Variants in GCAT observed in about 807,000 individuals in gnomAD.
GCAT encodes glycine C-acetyltransferase.
In GCAT, 26 loss-of-function variants were observed where a neutral mutation model predicts 39.7. The observed-to-expected ratio is 0.65, with a 90% CI of 0.48 to 0.91. The LOEUF is 0.91. GCAT is among the 40% of genes least tolerant of loss of function. GCAT has a pLI of 0.00. For synonymous variants in GCAT, 218 were observed against 237.2 expected, an observed-to-expected ratio of 0.92 and a Z score of 0.74; for missense variants, 550 against 576.2, an observed-to-expected ratio of 0.95 and a Z score of 0.47.
chr22:37,811,231 C>T (rs564938633), intron 2 of GCAT, among the ~76,000 whole-genome samples: 52 of 152,150 alleles, frequency 3.4e-4, no homozygotes, highest in African/African-American at 1.1e-3. Context: ...GCCTGTAATC[C>T]CAGCACTTTG....
intron 1 of GCAT, 49 bp from the exon 2 acceptor site, chr22:37,809,978 C>T (rs1174917061): frequency 6.2e-7 from 1 of 1,606,284 alleles, no homozygotes; most frequent in South Asian, 1.1e-5. Flanking sequence ...TCCAGGCCTG[C>T]CCTTGCCCCA....
Position 37,816,747 on chromosome 22 carries a change from G to A in GCAT, c.*29G>A, listed in dbSNP as rs1922250398. The A allele has an allele frequency of 3.1e-6, 5 of 1,612,336 alleles. No individual in the cohort carries two copies. Among genetic ancestry groups the A allele is most frequent in the Non-Finnish European group, 4.2e-6 (5 of 1,179,114 alleles). On this transcript the variant is annotated 3_prime_UTR_variant, in exon 9 of 9. Transcript: ENST00000248924. ...CTGGGTAAGGACGAGAAGAGCCAAG[G>A]TCCGCCTACTGCCACAGGGTCAAAG...
At chr22:37,815,363 C>T in intron 5 of GCAT, 55 bp from the exon 6 acceptor site, 1 of 1,596,176 alleles carries the variant, frequency 6.3e-7, no homozygotes, top group Non-Finnish European at 8.6e-7. Flanking sequence ...CAGCATGATC[C>T]ATAATCCCTG....
rs78610332 is a variant in GCAT, at chr22:37,808,022, C to G, written c.55C>G (p.Arg19Gly). ...AALFWVPRGRRAQSALAQLRG... is the reference protein window; with the variant it reads ...AALFWVPRGRGAQSALAQLRG... ...ACTCTTCTGGGTGCCCCGCGGCCGC[C>G]GCGCACAGTCAGCGCTGGCCCAGCT... Residue 19 changes from arginine to glycine, a missense_variant, in exon 1 of 9, where the codon CGC (arginine) becomes GGC (glycine). Coordinates refer to ENST00000248924, the MANE Select transcript of GCAT (RefSeq NM_014291.4). The G allele has an allele frequency of 3.1e-5, 48 of 1,548,060 alleles. No homozygotes were observed. The highest frequency in any genetic ancestry group is 4.2e-5 in the Non-Finnish European group (48 of 1,147,748).
intron 1 of GCAT, among the ~76,000 whole-genome samples, 187 bp downstream of exon 1, chr22:37,808,350 G>T (rs1200882972): frequency 2.6e-5 from 4 of 152,220 alleles, no homozygotes. Flanking sequence ...GGAGGGAGGC[G>T]ATTTGCCCAG....
chr22:37,815,788 A>T lies in GCAT; in HGVS notation c.940A>T (p.Met314Leu), dbSNP rs767906580. 4 of 1,614,036 alleles carry T rather than the reference A, an allele frequency of 2.5e-6. No homozygotes were observed. Among genetic ancestry groups the T allele is most frequent in the South Asian group, 2.2e-5 (2 of 91,076 alleles). Residue 314 changes from methionine to leucine, a missense_variant, in exon 7 of 9, where the codon ATG becomes TTG. Physicochemically the swap from Met to Leu is conservative, Grantham distance 15. Around this residue, in one of 3 missense-constraint regions of GCAT, gnomAD observed 378 missense variants for 390.4 expected, o/e 0.97. Coordinates refer to ENST00000248924, the MANE Select transcript of GCAT (RefSeq NM_014291.4). Reference protein sequence around the residue: ...GCASKALDLLMGSNTIVQSMA... With the variant: ...GCASKALDLLLGSNTIVQSMA... ...CGCCTCCAAGGCCCTAGATCTGCTGATGGGGAGTAACACCATTGTCCAGTC... is the reference window on the plus strand; with the variant it reads ...CGCCTCCAAGGCCCTAGATCTGCTGTTGGGGAGTAACACCATTGTCCAGTC...
chr22:37,815,932 G>A, intron 7 of GCAT, 98 bp downstream of exon 7: 1 of 1,434,758 alleles, frequency 7.0e-7, no homozygotes, highest in Non-Finnish European at 9.6e-7. Flanking sequence ...GTGCCCACCG[G>A]GTCTGCTTCT....
chr22:37,815,079 T>C, intron 4 of GCAT, 47 bp from the exon 5 acceptor site: 1 of 1,599,830 alleles, frequency 6.3e-7, no homozygotes, highest in Non-Finnish European at 8.5e-7. Flanking sequence ...ACGGGTGGTT[T>C]GGCCCAACTT....
At chr22:37,813,781 C>T (rs559722188) in intron 4 of GCAT, among the ~76,000 whole-genome samples, 172 bp downstream of exon 4, 39 of 151,260 alleles carry the variant, frequency 2.6e-4, no homozygotes, top group Non-Finnish European at 5.0e-4. Context: ...TTTTTTTTTC[C>T]CTGAGACAGA....
intron 8 of GCAT, 74 bp from the exon 9 acceptor site, chr22:37,816,493 G>T: frequency 6.4e-7 from 1 of 1,572,534 alleles, no homozygotes; most frequent in Non-Finnish European, 8.7e-7. Flanking sequence ...GAGACCTGGG[G>T]CAGTTCCCTT....
At position 37,815,821 on chromosome 22, in the gene GCAT, G is replaced by A. The variant is rs755101995; in HGVS notation, c.973G>A (p.Ala325Thr). 1 of 1,613,826 alleles carries A rather than the reference G, an allele frequency of 6.2e-7. No individual in the cohort carries two copies. The highest frequency in any genetic ancestry group is 1.3e-5 in the African/African-American group (1 of 74,924). Reference protein sequence around the residue: ...GSNTIVQSMAAKTQRFRSKME... With the variant: ...GSNTIVQSMATKTQRFRSKME... The stretch of plus-strand genomic sequence containing the variant: ...TAACACCATTGTCCAGTCTATGGCT[G>A]CCAAGACCCAGAGGTGCGACTCCCA... The change falls in exon 7 of 9, where the codon GCC (alanine) becomes ACC (threonine). Residue 325 changes from alanine (A) to threonine (T), a missense_variant. Ala to Thr is a moderately conservative substitution (Grantham distance 58). Around this residue, in one of 3 missense-constraint regions of GCAT, gnomAD observed 378 missense variants for 390.4 expected, o/e 0.97. Coordinates refer to ENST00000248924, the MANE Select transcript of GCAT (RefSeq NM_014291.4).
intron 2 of GCAT, 51 bp downstream of exon 2, chr22:37,810,208 TC>T: frequency 7.4e-7 from 1 of 1,351,470 alleles, no homozygotes; most frequent in Non-Finnish European, 1.1e-6. Context: ...GCTGCCTGCT[TC>T]CCACAGTCAG....
intron 1 of GCAT, 120 bp downstream of exon 1, chr22:37,808,283 T>G: frequency 4.0e-6 from 3 of 748,456 alleles, no homozygotes; most frequent in Non-Finnish European, 6.1e-6. Flanking sequence ...TTCGCATCTC[T>G]CAGGGCGACT....
At chr22:37,811,400 G>C (rs963326425) in intron 2 of GCAT, among the ~76,000 whole-genome samples, 1 of 144,236 alleles carries the variant, frequency 6.9e-6, no homozygotes, top group South Asian at 2.3e-4. Context: ...AGAATCGCTT[G>C]AACCTAGGAG....
chr22:37,811,304 G>A (rs1163559349), intron 2 of GCAT, among the ~76,000 whole-genome samples: 6 of 151,816 alleles, frequency 4.0e-5, no homozygotes, highest in South Asian at 2.1e-4. Flanking sequence ...CCAACATGGC[G>A]AAACCCTTTC....
At chr22:37,809,827 A>G (rs1023832691) in intron 1 of GCAT, 200 bp from the exon 2 acceptor site, 5 of 672,982 alleles carry the variant, frequency 7.4e-6, no homozygotes, top group African/African-American at 7.2e-5. Context: ...CTCAAAAAAA[A>G]AAAAGTTTAA....
chr22:37,815,831 A>T lies in GCAT; in HGVS notation c.983A>T (p.Gln328Leu). The stretch of plus-strand genomic sequence containing the variant: ...GTCCAGTCTATGGCTGCCAAGACCC[A>T]GAGGTGCGACTCCCAGCAGGGCAGG... Reference protein sequence around the residue: ...TIVQSMAAKTQRFRSKMEAAG... With the variant: ...TIVQSMAAKTLRFRSKMEAAG... The change falls in exon 7 of 9, where the codon CAG (glutamine) becomes CTG (leucine). Residue 328 changes from glutamine (Q) to leucine (L), a missense_variant. Physicochemically the swap from Gln to Leu is moderately radical, Grantham distance 113. Transcript: ENST00000248924. 1 of 1,613,828 alleles carries T rather than the reference A, an allele frequency of 6.2e-7. No homozygotes were observed. The highest frequency in any genetic ancestry group is 8.5e-7 in the Non-Finnish European group (1 of 1,179,922).
rs1311022349 is a variant in GCAT at position 37,807,999 on chromosome 22, TC to T, written c.33del (p.Phe12SerfsTer67). 6.5e-7 allele frequency: 1 copy of T among 1,540,908 alleles called. No individual in the cohort carries two copies. Among genetic ancestry groups the T allele is most frequent in the Non-Finnish European group, 8.7e-7 (1 of 1,144,592 alleles). On this transcript the variant is annotated frameshift_variant, in exon 1 of 9. Coordinates refer to ENST00000248924, the MANE Select transcript of GCAT (RefSeq NM_014291.4). LOFTEE classifies it high-confidence loss of function. Reference sequence around the variant, plus strand: ...CCTGGGAACGCCTGGCGCGCCGCACTCTTCTGGGTGCCCCGCGGCCGCCGCG... The same window carrying T: ...CCTGGGAACGCCTGGCGCGCCGCACTTTCTGGGTGCCCCGCGGCCGCCGCG... MWPGNAWRAA[L>X]FWVPRGRRAQ...
chr22:37,816,345 C>CTGG (rs1331651686), intron 8 of GCAT, 24 bp downstream of exon 8: 1 of 1,606,674 alleles, frequency 6.2e-7, no homozygotes, highest in East Asian at 2.2e-5. Context: ...GACAAGGGAA[C>CTGG]TGGTGGTGGG....
Sources: allele counts gnomAD v4.1 joint callset (sites outside exome capture counted in the v4.1 genomes callset), GRCh38; gene constraint gnomAD v4.1.1; regional missense constraint gnomAD v4.1.1; transcripts MANE v1.5; gene names NCBI Gene and HGNC (gene_info 2026-07-23, HGNC 2026-07-21).